ITIH5: variants seen among roughly 807,000 people sequenced by gnomAD.
ITIH5 encodes inter-alpha-trypsin inhibitor heavy chain 5, also known as inter-alpha-trypsin inhibitor heavy chain H5.
Under a neutral mutation model 77.5 loss-of-function variants are expected in ITIH5, and 65 were observed. The observed-to-expected ratio is 0.84, with a 90% CI of 0.69 to 1.03. The LOEUF is 1.03. Among genes scored for constraint, ITIH5 ranks in the 50% least tolerant of loss-of-function variants. ITIH5 has a pLI of 0.00. For missense variants in ITIH5, 1,208 were observed against 1,213.1 expected, an observed-to-expected ratio of 1.00 and a Z score of 0.06; for synonymous variants, 525 against 494.3, an observed-to-expected ratio of 1.06 and a Z score of -0.82.
intron 7 of ITIH5, among the ~76,000 whole-genome samples, chr10:7,596,077 C>T (rs1832889350): frequency 6.6e-6 from 1 of 152,182 alleles, no homozygotes. Flanking sequence ...TTCAGTACAG[C>T]TGGCAATGGT....
chr10:7,650,449 T>C (rs937505001), intron 2 of ITIH5, among the ~76,000 whole-genome samples: 1 of 152,082 alleles, frequency 6.6e-6, no homozygotes, highest in Non-Finnish European at 1.5e-5. Flanking sequence ...AGAAAAACAA[T>C]ACAGGGCCGG....
intron 4 of ITIH5, among the ~76,000 whole-genome samples, chr10:7,637,829 C>G (rs1833826954): frequency 6.6e-6 from 1 of 152,108 alleles, no homozygotes; most frequent in South Asian, 2.1e-4. Flanking sequence ...TGTGCTCTCC[C>G]TTTACAAGGA....
rs1382417963 is a variant in ITIH5, at chr10:7,629,117, G to A, written c.652+8111C>T. On this transcript the variant is annotated intron_variant, in intron 5 of 13. Coordinates refer to ENST00000397146, the MANE Select transcript of ITIH5 (RefSeq NM_030569.7). ...TTGTAGTGTGTGTCCATGTTGTAGAGTGTGTCCGTGTTGTAGCATGTGTCC... is the reference window on the plus strand; with the variant it reads ...TTGTAGTGTGTGTCCATGTTGTAGAATGTGTCCGTGTTGTAGCATGTGTCC... 1.9e-4 allele frequency among the ~76,000 whole-genome samples: 19 copies of A among 101,624 alleles called. 3 individuals are homozygous for A. Among genetic ancestry groups the A allele is most frequent in the East Asian group, 3.0e-4 (1 of 3,342 alleles). 66.7% of individuals were successfully genotyped at this position (101,624 alleles called of 152,430 possible).
intron 5 of ITIH5, among the ~76,000 whole-genome samples, chr10:7,634,175 G>C (rs2131068626): frequency 6.6e-6 from 1 of 151,614 alleles, no homozygotes; most frequent in African/African-American, 2.4e-5. Flanking sequence ...CCAGAAGTTA[G>C]ATTTCTTAAC....
At chr10:7,581,252 G>A (rs746347787) in intron 8 of ITIH5, among the ~76,000 whole-genome samples, 4 of 150,008 alleles carry the variant, frequency 2.7e-5, no homozygotes, top group South Asian at 2.1e-4. Flanking sequence ...AGAGTGAGAC[G>A]CGGTCTCAAC....
chr10:7,563,693 G>T (rs1010052195), intron 13 of ITIH5, among the ~76,000 whole-genome samples: 3 of 152,244 alleles, frequency 2.0e-5, no homozygotes, highest in Non-Finnish European at 4.4e-5. Flanking sequence ...CGGGGCATAT[G>T]AAGAGGGAAG....
chr10:7,585,835 AAAAAAC>A, intron 8 of ITIH5, 60 bp downstream of exon 8: 3 of 1,440,058 alleles, frequency 2.1e-6, no homozygotes, highest in Admixed American at 2.3e-5. Flanking sequence ...CAAAAAAAAA[AAAAAAC>A]CAAAAAAAAA....
At chr10:7,626,056 A>G (rs904828917) in intron 5 of ITIH5, among the ~76,000 whole-genome samples, 1 of 152,166 alleles carries the variant, frequency 6.6e-6, no homozygotes, top group Non-Finnish European at 1.5e-5. Flanking sequence ...AAGGGAACTG[A>G]TGTTTCTCTT....
Position 7,637,432 on chromosome 10 carries a change from T to G in ITIH5, c.448A>C (p.Lys150Gln), listed in dbSNP as rs1168202086. 1 of 1,613,992 alleles carries G rather than the reference T, an allele frequency of 6.2e-7. No individual in the cohort carries two copies. Among genetic ancestry groups the G allele is most frequent in the Non-Finnish European group, 8.5e-7 (1 of 1,179,872 alleles). The change falls in exon 5 of 14, where the codon AAG becomes CAG. Residue 150 changes from lysine to glutamine, a missense_variant. Coordinates refer to ENST00000397146, the MANE Select transcript of ITIH5 (RefSeq NM_030569.7). The stretch of plus-strand genomic sequence containing the variant: ...CTCAGGAAAAAGGCGGCTTTGTCCT[T>G]GCTGGGAATCACTGCAGAAGCTCTG... ...IFRASAVIPSKDKAAFFLSYE... is the reference protein window; with the variant it reads ...IFRASAVIPSQDKAAFFLSYE...
chr10:7,586,195 AG>A (rs1430738774), intron 7 of ITIH5, 126 bp from the exon 8 acceptor site: 1 of 792,898 alleles, frequency 1.3e-6, no homozygotes, highest in African/African-American at 1.8e-5. Context: ...AGCTATGTAA[AG>A]GGCACTTGGC....
intron 7 of ITIH5, among the ~76,000 whole-genome samples, chr10:7,608,625 A>G (rs1459485919): frequency 6.6e-6 from 1 of 152,178 alleles, no homozygotes; most frequent in South Asian, 2.1e-4. Context: ...CATAGTCTGA[A>G]GAAGGCAGCT....
At position 7,579,843 on chromosome 10, in the gene ITIH5, A is replaced by G. The variant is rs1029325625; in HGVS notation, c.1330T>C (p.Phe444Leu). 9 of 1,614,098 alleles carry G rather than the reference A, an allele frequency of 5.6e-6. No individual in the cohort carries two copies. The highest frequency in any genetic ancestry group is 5.0e-5 in the Admixed American group (3 of 60,004). Residue 444 changes from phenylalanine to leucine, a missense_variant, in exon 9 of 14, where the codon TTC becomes CTC. Phe to Leu is a conservative substitution (Grantham distance 22). Coordinates refer to ENST00000397146, the MANE Select transcript of ITIH5 (RefSeq NM_030569.7). ...FTIGIGNDVD[F>L]RLLEKLSLEN... ...AGCGACAGTTTCTCCAGCAGCCTGA[A>G]GTCCACGTCGTTGCCGATGCCAATG... is the stretch of plus-strand genomic sequence containing the variant.
intron 2 of ITIH5, 65 bp downstream of exon 2, chr10:7,655,566 C>G (rs1834167556): frequency 7.5e-7 from 1 of 1,327,848 alleles, no homozygotes; most frequent in Non-Finnish European, 1.1e-6. Context: ...AAAGTGGATA[C>G]CTGGTTCAAA....
At chr10:7,634,235 A>G (rs1833762115) in intron 5 of ITIH5, among the ~76,000 whole-genome samples, 1 of 152,136 alleles carries the variant, frequency 6.6e-6, no homozygotes, top group African/African-American at 2.4e-5. Flanking sequence ...CATTCACACA[A>G]TCATAGTTTT....
intron 8 of ITIH5, among the ~76,000 whole-genome samples, chr10:7,582,092 G>A (rs1350244572): frequency 6.6e-6 from 1 of 151,830 alleles, no homozygotes; most frequent in East Asian, 1.9e-4. Flanking sequence ...GGCCAGGCTG[G>A]TCTTGATTTC....
At chr10:7,642,265 C>T (rs1223462529) in intron 2 of ITIH5, among the ~76,000 whole-genome samples, 175 bp from the exon 3 acceptor site, 1 of 152,066 alleles carries the variant, frequency 6.6e-6, no homozygotes, top group East Asian at 1.9e-4. Flanking sequence ...TAACTCCCTT[C>T]CTTTGTAAAA....
At chr10:7,644,017 G>A (rs1833928600) in intron 2 of ITIH5, among the ~76,000 whole-genome samples, 1 of 152,194 alleles carries the variant, frequency 6.6e-6, no homozygotes, top group Admixed American at 6.5e-5. Flanking sequence ...AAGGTGGACA[G>A]ATCACCTGAG....
At chr10:7,574,842 T>G (rs1832377133) in intron 10 of ITIH5, among the ~76,000 whole-genome samples, 1 of 149,404 alleles carries the variant, frequency 6.7e-6, no homozygotes, top group African/African-American at 2.5e-5. Context: ...GAGTAGTCAG[T>G]TGGTTATCTC....
At chr10:7,597,573 CCCA>C (rs1273582464) in intron 7 of ITIH5, among the ~76,000 whole-genome samples, 1 of 136,826 alleles carries the variant, frequency 7.3e-6, no homozygotes, top group East Asian at 2.3e-4. Flanking sequence ...CCCTCTGTAC[CCCA>C]GAGACACCCG....
Sources: allele counts gnomAD v4.1 joint callset (sites outside exome capture counted in the v4.1 genomes callset), GRCh38; gene constraint gnomAD v4.1.1; transcripts MANE v1.5; gene names NCBI Gene and HGNC (gene_info 2026-07-23, HGNC 2026-07-21).